Variants in ERGIC1 observed in about 807,000 individuals in gnomAD.
ERGIC1 encodes endoplasmic reticulum-golgi intermediate compartment 1.
In ERGIC1, 19 loss-of-function variants were observed where a neutral mutation model predicts 38.3. That is an observed-to-expected ratio of 0.50 (90% CI 0.35 to 0.73). The LOEUF (loss-of-function observed/expected upper bound fraction) is 0.73. Ranked by LOEUF, ERGIC1 falls within the 30% of genes least tolerant of loss-of-function variation. The probability of loss-of-function intolerance (pLI) is 0.01; values close to 1 mark genes in which losing one functional copy is unlikely to be tolerated. For missense variants in ERGIC1, 294 were observed against 389.2 expected (o/e 0.76, Z 2.06); for synonymous variants, 124 against 157.6 (o/e 0.79, Z 1.60).
intron 9 of ERGIC1, among the ~76,000 whole-genome samples, chr5:172,945,392 C>T (rs975456117): frequency 1.3e-5 from 2 of 152,222 alleles, no homozygotes; most frequent in Admixed American, 1.3e-4. Context: ...TGCTGGGACA[C>T]TCTTGCGGTC....
chr5:172,926,486 C>T lies in ERGIC1; in HGVS notation c.481-23C>T, dbSNP rs370637914. 1 of 1,613,810 alleles carries T rather than the reference C, an allele frequency of 6.2e-7. No homozygotes were observed. Among genetic ancestry groups the T allele is most frequent in the South Asian group, 1.1e-5 (1 of 91,076 alleles). On this transcript the variant is annotated intron_variant, in intron 6 of 9. Transcript: ENST00000393784. This position sits in a 1 kb window ranked among gnomAD's most constrained non-coding sequence, Gnocchi z 5.2. The stretch of plus-strand genomic sequence containing the variant: ...GAGGTGGAGGTGTCCTGGGGACCAT[C>T]CCCTCACTGCATTTTTCCACAGGTC...
intron 3 of ERGIC1, among the ~76,000 whole-genome samples, chr5:172,906,929 G>C: frequency 6.6e-6 from 1 of 152,146 alleles, no homozygotes; most frequent in African/African-American, 2.4e-5. Context: ...CACAGCTTCT[G>C]GCACTCAGCA....
At chr5:172,875,417 G>A (rs1273400698) in intron 1 of ERGIC1, among the ~76,000 whole-genome samples, 2 of 152,056 alleles carry the variant, frequency 1.3e-5, no homozygotes, top group East Asian at 1.9e-4. Context: ...TGTTAGTGCC[G>A]GTGATGTGTG....
intron 3 of ERGIC1, among the ~76,000 whole-genome samples, chr5:172,903,865 T>C (rs1027639244): frequency 5.3e-5 from 8 of 151,916 alleles, no homozygotes; most frequent in Admixed American, 1.3e-4. Flanking sequence ...CCTGGTAGCC[T>C]AGGCTTCGAA....
chr5:172,867,068 C>T, intron 1 of ERGIC1: 1 of 426,580 alleles, frequency 2.3e-6, no homozygotes. Flanking sequence ...AGATGGAGAG[C>T]AGTGGCCATG....
chr5:172,856,760 C>T (rs894868842), intron 1 of ERGIC1, among the ~76,000 whole-genome samples: 14 of 152,196 alleles, frequency 9.2e-5, no homozygotes, highest in Non-Finnish European at 1.5e-4. Context: ...GAGATGACTG[C>T]GCCTTATCAG....
chr5:172,877,330 T>G (rs767296569), intron 1 of ERGIC1, among the ~76,000 whole-genome samples: 3 of 152,006 alleles, frequency 2.0e-5, no homozygotes, highest in Non-Finnish European at 4.4e-5. Flanking sequence ...CTTTCATGTC[T>G]TCTTTAATTT....
chr5:172,835,932 GTC>G lies in ERGIC1; in HGVS notation c.20+1500_20+1501del, dbSNP rs1761023840. Among the ~76,000 whole-genome samples the G allele has an allele frequency of 5.3e-5, 8 of 152,330 alleles. No homozygotes were observed. The Middle Eastern group carries it at 0.024, about 453-fold the overall frequency. On this transcript the variant is annotated intron_variant, in intron 1 of 9. Transcript: ENST00000393784. ...TTAAGTCTGGGCCATAAGAGCTGTG[GTC>G]GGCACATCAATTTCTGGTTCCACAA...
chr5:172,924,207 A>T, intron 6 of ERGIC1, 98 bp downstream of exon 6: 2 of 1,171,158 alleles, frequency 1.7e-6, no homozygotes, highest in Non-Finnish European at 2.5e-6. Flanking sequence ...AGGAAGAGTT[A>T]CCGTTAAGGT....
chr5:172,896,728 G>GC (rs1762731955), intron 2 of ERGIC1, among the ~76,000 whole-genome samples: 1 of 152,370 alleles, frequency 6.6e-6, no homozygotes, highest in East Asian at 1.9e-4. Context: ...GCTGGCCTTT[G>GC]CATTAAAGAG....
intron 9 of ERGIC1, among the ~76,000 whole-genome samples, chr5:172,947,878 G>T (rs896183863): frequency 5.6e-5 from 3 of 53,102 alleles, no homozygotes; most frequent in African/African-American, 1.5e-4. Context: ...GATGTGTTTT[G>T]TGTGTGTGTG....
At chr5:172,941,108 GTCTC>G (rs957966108) in intron 9 of ERGIC1, among the ~76,000 whole-genome samples, 2 of 152,184 alleles carry the variant, frequency 1.3e-5, no homozygotes, top group African/African-American at 4.8e-5. Flanking sequence ...GCGAAACTTT[GTCTC>G]TACTAAAAAT....
intron 2 of ERGIC1, among the ~76,000 whole-genome samples, chr5:172,890,696 C>G (rs1228550770): frequency 2.0e-5 from 3 of 152,200 alleles, no homozygotes; most frequent in Non-Finnish European, 4.4e-5. Context: ...GAAGATGGAG[C>G]CACGACTCAT....
At position 172,909,679 on chromosome 5, in the gene ERGIC1, C is replaced by T. The variant is rs1249677205; in HGVS notation, c.168C>T (p.Leu56=). 6.2e-7 allele frequency: 1 copy of T among 1,614,192 alleles called. No homozygotes were observed. Among genetic ancestry groups the T allele is most frequent in the Non-Finnish European group, 8.5e-7 (1 of 1,180,018 alleles). The change falls in exon 4 of 10, where the codon CTC becomes CTT. Residue 56 remains leucine (L), a synonymous_variant. Coordinates refer to ENST00000393784, the MANE Select transcript of ERGIC1 (RefSeq NM_001031711.3). The part of the protein sequence containing the change: ...GFITTEVVNE[L]YVDDPDKDSG... Reference sequence around the variant, plus strand: ...GTCTTTCCCCTAGTGTGAACGAGCTCTATGTCGATGACCCAGACAAGGACA... The same window carrying T: ...GTCTTTCCCCTAGTGTGAACGAGCTTTATGTCGATGACCCAGACAAGGACA...
chr5:172,895,581 G>A lies in ERGIC1; in HGVS notation c.83-1421G>A, dbSNP rs527785788. ...ATTTGTCTTTCTGGATATCAGTCTA[G>A]TGGGAGAAACGGCCACAGATAACCG... On this transcript the variant is annotated intron_variant, in intron 2 of 9. Transcript: ENST00000393784. Among the ~76,000 whole-genome samples, 4 of 152,236 alleles carry A rather than the reference G, an allele frequency of 2.6e-5. No homozygotes were observed. In the South Asian group the frequency reaches 8.3e-4, roughly 32 times the overall value.
chr5:172,879,880 CT>C (rs1450216827), intron 1 of ERGIC1, among the ~76,000 whole-genome samples: 6 of 152,206 alleles, frequency 3.9e-5, no homozygotes, highest in Non-Finnish European at 7.3e-5. Context: ...AGCAGTACCC[CT>C]GGCCTCTACC....
At chr5:172,882,996 C>T (rs183825283) in intron 1 of ERGIC1, among the ~76,000 whole-genome samples, 11 of 152,214 alleles carry the variant, frequency 7.2e-5, no homozygotes, top group South Asian at 2.1e-4. Context: ...ACAGTGGAGT[C>T]GTCATAGCTC....
At chr5:172,853,556 G>A (rs1761466147) in intron 1 of ERGIC1, among the ~76,000 whole-genome samples, 2 of 152,306 alleles carry the variant, frequency 1.3e-5, no homozygotes, top group South Asian at 4.1e-4. Flanking sequence ...GTCAGTCTGC[G>A]CAACTGGGGC....
intron 1 of ERGIC1, among the ~76,000 whole-genome samples, chr5:172,877,402 T>TTA (rs202058258): frequency 2.8e-5 from 4 of 143,298 alleles, no homozygotes; most frequent in East Asian, 2.0e-4. Flanking sequence ...TCTCTAAATA[T>TTA]TATATATATG....
Sources: allele counts gnomAD v4.1 joint callset (sites outside exome capture counted in the v4.1 genomes callset), GRCh38; gene constraint gnomAD v4.1.1; non-coding constraint Gnocchi (gnomAD v3.1); transcripts MANE v1.5; gene names NCBI Gene and HGNC (gene_info 2026-07-23, HGNC 2026-07-21).